Variants in ZNF662 observed in about 807,000 individuals in gnomAD.
The protein encoded by ZNF662 is zinc finger protein 662.
ZNF662 carries 14 observed loss-of-function variants against 12.4 expected under a neutral mutation model. The ratio of observed to expected loss-of-function variants is 1.13; its 90% CI spans 0.75 to 1.77. ZNF662 has a LOEUF of 1.77. Ranked by LOEUF, ZNF662 falls within the 40% of genes most tolerant of loss-of-function variation. The pLI, the probability that ZNF662 is intolerant of heterozygous loss-of-function variation, is 0.00. For synonymous variants in ZNF662, 184 were observed against 176.4 expected, an observed-to-expected ratio of 1.04 and a Z score of -0.34; for missense variants, 550 against 515.6, an observed-to-expected ratio of 1.07 and a Z score of -0.65.
rs893218931 is a variant in ZNF662 at position 42,917,082 on chromosome 3, A to C, written c.*1728A>C. ...AAGAATTATAGAATTAACTAATTCT[A>C]CTTGAAATCAGGAGTTTTATAAAAC... On this transcript the variant is annotated 3_prime_UTR_variant, in exon 5 of 5. Coordinates refer to ENST00000440367, the MANE Select transcript of ZNF662 (RefSeq NM_207404.4). 5.8e-6 allele frequency: 1 copy of C among 171,322 alleles called. No homozygotes were observed. The highest frequency in any genetic ancestry group is 2.4e-5 in the African/African-American group (1 of 42,150). The allele number at this position is 171,322 out of a possible 1,614,324, so 10.6% of individuals were successfully genotyped here.
At position 42,913,272 on chromosome 3, in the gene ZNF662, C is replaced by T. The variant is rs2088852981; in HGVS notation, c.223C>T (p.Gln75Ter). ...GGAAGAGCCATTAAACCTGAAACTG[C>T]AAGGAGAGGGTCCAAGCCTGATTTG... ...QVEEPLNLKL[Q>*]GEGPSLICPE... Residue 75 changes from glutamine to a stop codon, truncating the protein, a stop_gained, in exon 4 of 5, where the codon CAA becomes TAA. Coordinates refer to ENST00000440367, the MANE Select transcript of ZNF662 (RefSeq NM_207404.4). LOFTEE classifies it low-confidence loss of function (END_TRUNC). The T allele has an allele frequency of 1.2e-6, 2 of 1,613,912 alleles. No homozygotes were observed. The highest frequency in any genetic ancestry group is 4.5e-5 in the East Asian group (2 of 44,872).
intron 2 of ZNF662, 184 bp downstream of exon 2, chr3:42,908,332 A>C: frequency 7.2e-7 from 1 of 1,383,492 alleles, no homozygotes. Context: ...TTTGGGCCTT[A>C]TACAGGACTT....
Position 42,914,590 on chromosome 3 carries a change from A to G in ZNF662, c.517A>G (p.Thr173Ala), listed in dbSNP as rs1180938941. Reference protein sequence around the residue: ...MISVEESSGNTDVNNLLGIHH... With the variant: ...MISVEESSGNADVNNLLGIHH... The stretch of plus-strand genomic sequence containing the variant: ...CTCAGTAGAAGAGAGTTCAGGGAAT[A>G]CTGATGTCAATAACCTCCTTGGTAT... Residue 173 changes from threonine to alanine, a missense_variant, in exon 5 of 5, where the codon ACT becomes GCT. Coordinates refer to ENST00000440367, the MANE Select transcript of ZNF662 (RefSeq NM_207404.4). The G allele has an allele frequency of 3.1e-6, 5 of 1,614,064 alleles. No individual in the cohort carries two copies. The highest frequency in any genetic ancestry group is 1.3e-5 in the African/African-American group (1 of 74,920).
At chr3:42,907,929 G>A (rs2088706042) in intron 1 of ZNF662, 93 bp from the exon 2 acceptor site, 3 of 1,491,892 alleles carry the variant, frequency 2.0e-6, no homozygotes, top group South Asian at 1.4e-5. Flanking sequence ...ATCCCCACAG[G>A]CACCCCCACA....
chr3:42,910,427 G>C (rs1418559627), intron 3 of ZNF662, among the ~76,000 whole-genome samples: 2 of 152,156 alleles, frequency 1.3e-5, no homozygotes, highest in African/African-American at 4.8e-5. Flanking sequence ...TGGCTCCTCT[G>C]TGTGCCATCT....
Position 42,906,997 on chromosome 3 carries a change from A to G in ZNF662, c.-94+829A>G, listed in dbSNP as rs2088692090. Reference sequence around the variant, plus strand: ...AGGCAGACAAAGTTGAGCCAGCCAAAGCCTTGGAGCCCTGGAGTGCTGGAT... The same window carrying G: ...AGGCAGACAAAGTTGAGCCAGCCAAGGCCTTGGAGCCCTGGAGTGCTGGAT... On this transcript the variant is annotated intron_variant, in intron 1 of 4. Transcript: ENST00000440367. The surrounding 1 kb of genome is among the most constrained non-coding windows in gnomAD (Gnocchi z 4.4). Among the ~76,000 whole-genome samples the G allele has an allele frequency of 6.6e-6, 1 of 152,164 alleles. No individual in the cohort carries two copies. The highest frequency in any genetic ancestry group is 1.5e-5 in the Non-Finnish European group (1 of 68,022).
chr3:42,912,970 TGAC>T (rs1403655145), intron 3 of ZNF662, among the ~76,000 whole-genome samples: 5 of 151,550 alleles, frequency 3.3e-5, no homozygotes, highest in Non-Finnish European at 7.4e-5. Context: ...CTTGAACTCC[TGAC>T]CTCAGGTGAT....
chr3:42,908,815 G>C lies in ZNF662; in HGVS notation c.57G>C (p.Pro19=). The change falls in exon 3 of 5, where the codon CCG becomes CCC. Residue 19 remains proline, a synonymous_variant. Transcript: ENST00000440367. ...ASLAAFPFPK[P]ALISQLERGE... ...AAGCAGCATTTCCATTTCCCAAACC[G>C]GCTCTGATTTCCCAGCTGGAGCGAG... The C allele has an allele frequency of 6.2e-7, 1 of 1,614,014 alleles. No individual in the cohort carries two copies. Among genetic ancestry groups the C allele is most frequent in the Non-Finnish European group, 8.5e-7 (1 of 1,179,984 alleles).
intron 3 of ZNF662, among the ~76,000 whole-genome samples, chr3:42,909,200 G>A (rs1000292566): frequency 6.6e-6 from 1 of 152,200 alleles, no homozygotes; most frequent in African/African-American, 2.4e-5. Flanking sequence ...TTCCTAGGCA[G>A]AGGGCCCTGC....
rs1468232645 is a variant in ZNF662, at chr3:42,914,752, A to G, written c.679A>G (p.Lys227Glu). The change falls in exon 5 of 5, where the codon AAG becomes GAG. Residue 227 changes from lysine to glutamate, a missense_variant. By Grantham distance (56) the Lys-to-Glu change is moderately conservative. Coordinates refer to ENST00000440367, the MANE Select transcript of ZNF662 (RefSeq NM_207404.4). ...GGTCTATGGATGTAAGGAATGTGGG[A>G]AGGCTTTCAGTTTTCGATCACATTG... Reference protein sequence around the residue: ...EKVYGCKECGKAFSFRSHCIA... With the variant: ...EKVYGCKECGEAFSFRSHCIA... 1 of 1,614,180 alleles carries G rather than the reference A, an allele frequency of 6.2e-7. No homozygotes were observed. The highest frequency in any genetic ancestry group is 1.7e-5 in the Admixed American group (1 of 60,030).
chr3:42,914,839 G>GC lies in ZNF662; in HGVS notation c.768dup (p.Phe257LeufsTer21). On this transcript the variant is annotated frameshift_variant, in exon 5 of 5. Coordinates refer to ENST00000440367, the MANE Select transcript of ZNF662 (RefSeq NM_207404.4). LOFTEE classifies it low-confidence loss of function (END_TRUNC). The stretch of plus-strand genomic sequence containing the variant: ...CTATGAATGTCAAGAATGTGCTAAG[G>GC]CCTTTGTTTGGAAGTCAAACCTGAT... 6.2e-7 allele frequency: 1 copy of GC among 1,613,930 alleles called. No individual in the cohort carries two copies.
Position 42,906,321 on chromosome 3 carries a change from G to C in ZNF662, c.-94+153G>C, listed in dbSNP as rs1372494701. The C allele has an allele frequency of 6.6e-7, 1 of 1,525,642 alleles. No individual in the cohort carries two copies. The highest frequency in any genetic ancestry group is 8.8e-7 in the Non-Finnish European group (1 of 1,140,906). The allele number at this position is 1,525,642 out of a possible 1,614,324, so 94.5% of individuals were successfully genotyped here. Reference sequence around the variant, plus strand: ...AACAGCCTCTGGTCCGGTCTGGCGCGCCCTCGCTTTCCCAGAGGGCGACCT... The same window carrying C: ...AACAGCCTCTGGTCCGGTCTGGCGCCCCCTCGCTTTCCCAGAGGGCGACCT... On this transcript the variant is annotated intron_variant, in intron 1 of 4. Coordinates refer to ENST00000440367, the MANE Select transcript of ZNF662 (RefSeq NM_207404.4). This position sits in a 1 kb window ranked among gnomAD's most constrained non-coding sequence, Gnocchi z 4.4.
Position 42,908,348 on chromosome 3 carries a change from C to T in ZNF662, c.34+200C>T, listed in dbSNP as rs563702036. The stretch of plus-strand genomic sequence containing the variant: ...TTGGGCCTTATACAGGACTTCCTTG[C>T]TCCAGAGTGAGAGGTGCCAAACCCC... On this transcript the variant is annotated intron_variant, in intron 2 of 4. Transcript: ENST00000440367. 31 of 1,360,042 alleles carry T rather than the reference C, an allele frequency of 2.3e-5. No homozygotes were observed. The South Asian group carries it at 3.7e-4, about 16-fold the overall frequency. The allele number at this position is 1,360,042 out of a possible 1,614,324, so 84.2% of individuals were successfully genotyped here.
At chr3:42,907,156 G>A (rs1406977564) in intron 1 of ZNF662, among the ~76,000 whole-genome samples, 1 of 151,856 alleles carries the variant, frequency 6.6e-6, no homozygotes, top group Non-Finnish European at 1.5e-5. Flanking sequence ...ACGGCTGGAG[G>A]TCAGCAGTAT....
chr3:42,914,924 G>T lies in ZNF662; in HGVS notation c.851G>T (p.Gly284Val), dbSNP rs1363354808. 6.2e-7 allele frequency: 1 copy of T among 1,614,154 alleles called. No individual in the cohort carries two copies. The highest frequency in any genetic ancestry group is 1.3e-5 in the African/African-American group (1 of 75,042). ...TTTGAATGTAAGGAATGTGGGAAGG[G>T]CTTTAGTCAGAACACAAGCCTTACG... The part of the protein sequence containing the change: ...KPFECKECGK[G>V]FSQNTSLTQH... The change falls in exon 5 of 5, where the codon GGC becomes GTC. Residue 284 changes from glycine to valine, a missense_variant. Physicochemically the swap from Gly to Val is moderately radical, Grantham distance 109. Coordinates refer to ENST00000440367, the MANE Select transcript of ZNF662 (RefSeq NM_207404.4).
chr3:42,912,755 T>TATATATATAAAATATATATA (rs1275788684), intron 3 of ZNF662, among the ~76,000 whole-genome samples: 1 of 118,416 alleles, frequency 8.4e-6, no homozygotes, highest in African/African-American at 3.3e-5. Flanking sequence ...ATATATATTT[T>TATATATATAAAATATATATA]TTGAGACACA....
intron 2 of ZNF662, 163 bp downstream of exon 2, chr3:42,908,311 C>T (rs2125640193): frequency 7.1e-7 from 1 of 1,415,572 alleles, no homozygotes; most frequent in Non-Finnish European, 9.2e-7. Context: ...AGTAGGAAGT[C>T]CTGGTATCAG....
In ZNF662 at chr3:42,916,691, C is replaced by T. The variant is rs2088899708; in HGVS notation, c.*1337C>T. The T allele has an allele frequency of 6.6e-6, 1 of 152,080 alleles. No individual in the cohort carries two copies. The highest frequency in any genetic ancestry group is 2.1e-4 in the South Asian group (1 of 4,822). The allele number at this position is 152,080 out of a possible 1,614,324, so 9.4% of individuals were successfully genotyped here. A position where few individuals can be genotyped will look rare whatever the true frequency, so the allele number is the denominator to read the frequency against. ...TCCAGGTCTTAAGAGACCTCATTGC[C>T]TTTGTTTTATGAGATATCATTCTGG... is the stretch of plus-strand genomic sequence containing the variant. On this transcript the variant is annotated 3_prime_UTR_variant, in exon 5 of 5. Transcript: ENST00000440367.
In ZNF662 at chr3:42,915,577, T is replaced by G. The variant is rs2088889399; in HGVS notation, c.*223T>G. The G allele has an allele frequency of 2.0e-6, 1 of 492,182 alleles. No homozygotes were observed. Among genetic ancestry groups the G allele is most frequent in the Non-Finnish European group, 3.5e-6 (1 of 282,610 alleles). The allele number at this position is 492,182 out of a possible 1,614,324, so 30.5% of individuals were successfully genotyped here. A position where few individuals can be genotyped will look rare whatever the true frequency, so the allele number is the denominator to read the frequency against. On this transcript the variant is annotated 3_prime_UTR_variant, in exon 5 of 5. Coordinates refer to ENST00000440367, the MANE Select transcript of ZNF662 (RefSeq NM_207404.4). ...TGGGCAGCTACTCTGTATCAGGTGCTAACCACTTTACATACATTAATTTGC... is the reference window on the plus strand; with the variant it reads ...TGGGCAGCTACTCTGTATCAGGTGCGAACCACTTTACATACATTAATTTGC...
Sources: allele counts gnomAD v4.1 joint callset (sites outside exome capture counted in the v4.1 genomes callset), GRCh38; gene constraint gnomAD v4.1.1; non-coding constraint Gnocchi (gnomAD v3.1); transcripts MANE v1.5; gene names NCBI Gene and HGNC (gene_info 2026-07-23, HGNC 2026-07-21).